Variants in CALD1 observed in about 807,000 individuals in gnomAD.
CALD1 encodes caldesmon.
CALD1 carries 33 observed loss-of-function variants against 99.9 expected under a neutral mutation model. The observed-to-expected ratio is 0.33, with a 90% confidence interval of 0.25 to 0.44. CALD1 has a LOEUF of 0.44. CALD1 is among the 20% of genes least tolerant of loss of function. CALD1 has a pLI of 1.00. For missense variants in CALD1, 861 were observed against 962.1 expected, an observed-to-expected ratio of 0.89 and a Z score of 1.39; for synonymous variants, 310 against 325.0, an observed-to-expected ratio of 0.95 and a Z score of 0.50.
chr7:134,862,631 T>C (rs1800612084), intron 2 of CALD1, among the ~76,000 whole-genome samples: 1 of 152,182 alleles, frequency 6.6e-6, no homozygotes, highest in African/African-American at 2.4e-5. Flanking sequence ...CTATTCTGTA[T>C]GATGCTACTA....
intron 1 of CALD1, among the ~76,000 whole-genome samples, chr7:134,786,062 T>C (rs574153827): frequency 6.6e-6 from 1 of 152,112 alleles, no homozygotes; most frequent in Non-Finnish European, 1.5e-5. Context: ...GATAGTGATA[T>C]CTGTTGTGGA....
intron 1 of CALD1, among the ~76,000 whole-genome samples, chr7:134,837,347 T>TC (rs202199683): frequency 1.2e-5 from 1 of 85,784 alleles, no homozygotes; most frequent in East Asian, 3.1e-4. Flanking sequence ...CGTTCTCCTT[T>TC]TTTTTTTTTT....
At chr7:134,866,311 C>T (rs1800798611) in intron 2 of CALD1, among the ~76,000 whole-genome samples, 1 of 152,010 alleles carries the variant, frequency 6.6e-6, no homozygotes, top group Non-Finnish European at 1.5e-5. Flanking sequence ...ACTAGCAAAG[C>T]CTAGGGAAGT....
chr7:134,771,889 T>C (rs919223479), intron 1 of CALD1, among the ~76,000 whole-genome samples: 2 of 152,146 alleles, frequency 1.3e-5, no homozygotes, highest in African/African-American at 4.8e-5. Flanking sequence ...AAGACTACCC[T>C]GTTTCTCCCT....
At chr7:134,781,854 G>A (rs1304712753) in intron 1 of CALD1, among the ~76,000 whole-genome samples, 1 of 152,212 alleles carries the variant, frequency 6.6e-6, no homozygotes, top group Non-Finnish European at 1.5e-5. Context: ...GGCTCAAACT[G>A]CAGTTTAAAG....
chr7:134,774,029 G>A (rs1326195557), intron 1 of CALD1, among the ~76,000 whole-genome samples: 1 of 152,078 alleles, frequency 6.6e-6, no homozygotes, highest in Non-Finnish European at 1.5e-5. Flanking sequence ...AATTAGCCGG[G>A]TGTGGTGGTG....
At chr7:134,913,817 C>T in intron 3 of CALD1, among the ~76,000 whole-genome samples, 1 of 152,170 alleles carries the variant, frequency 6.6e-6, no homozygotes, top group East Asian at 1.9e-4. Context: ...TCCTATAAAA[C>T]TTTATTTGCA....
At chr7:134,903,662 G>A (rs576102936) in intron 3 of CALD1, among the ~76,000 whole-genome samples, 55 of 152,100 alleles carry the variant, frequency 3.6e-4, no homozygotes, top group African/African-American at 1.2e-3. Context: ...CTTAGCGTCT[G>A]CCCTCTGTGC....
intron 3 of CALD1, among the ~76,000 whole-genome samples, chr7:134,880,238 C>G (rs1801534282): frequency 6.6e-6 from 1 of 152,158 alleles, no homozygotes; most frequent in South Asian, 2.1e-4. Context: ...AGCTAGATAA[C>G]TCAGAGCCGG....
At chr7:134,806,980 A>G (rs758688945) in intron 1 of CALD1, among the ~76,000 whole-genome samples, 22 of 152,088 alleles carry the variant, frequency 1.4e-4, no homozygotes, top group Admixed American at 4.6e-4. Flanking sequence ...ATTCATTCAG[A>G]TTGCATTATT....
chr7:134,756,485 T>C (rs1796731755), intron 1 of CALD1, among the ~76,000 whole-genome samples: 1 of 151,988 alleles, frequency 6.6e-6, no homozygotes, highest in African/African-American at 2.4e-5. Context: ...TAGTGAGAGT[T>C]TGGGTTTAAA....
intron 2 of CALD1, among the ~76,000 whole-genome samples, chr7:134,854,288 A>C (rs1221231943): frequency 6.6e-6 from 1 of 152,230 alleles, no homozygotes; most frequent in Non-Finnish European, 1.5e-5. Flanking sequence ...GAATTGCCAC[A>C]CTGTCTTCCA....
At chr7:134,942,375 C>T (rs1584631257) in intron 7 of CALD1, among the ~76,000 whole-genome samples, 1 of 151,942 alleles carries the variant, frequency 6.6e-6, no homozygotes, top group Admixed American at 6.5e-5. Context: ...ATACGGTTGC[C>T]CCAAAACAAT....
intron 6 of CALD1, 34 bp from the exon 7 acceptor site, chr7:134,941,058 G>A: frequency 1.9e-6 from 3 of 1,554,912 alleles, no homozygotes; most frequent in Non-Finnish European, 2.6e-6. Context: ...GATTTTTCTT[G>A]TTCTGTTTCT....
intron 3 of CALD1, among the ~76,000 whole-genome samples, chr7:134,913,120 G>A (rs916785881): frequency 2.0e-5 from 3 of 152,154 alleles, no homozygotes; most frequent in Non-Finnish European, 4.4e-5. Context: ...TACAAAATTA[G>A]CTGGGTGTGG....
At chr7:134,776,799 T>TA (rs1796922189), upstream of CALD1, among the ~76,000 whole-genome samples, 3 of 152,150 alleles carry the variant, frequency 2.0e-5, no homozygotes, top group African/African-American at 4.8e-5. Flanking sequence ...AATTTTGAAT[T>TA]AAAAAAATGG....
rs559463294 is a variant in CALD1 at position 134,899,963 on chromosome 7, T to C, written c.72-28791T>C. On this transcript the variant is annotated intron_variant, in intron 3 of 14. Coordinates refer to ENST00000361675, the MANE Select transcript of CALD1 (RefSeq NM_033138.4). The stretch of plus-strand genomic sequence containing the variant: ...CACCCAGTCTGTTTGCTGATCTGTT[T>C]TAAAGGAATGTCTACATTCACCTTT... 2.0e-5 allele frequency: 3 copies of C among 152,322 alleles called. No homozygotes were observed. In the East Asian group the frequency reaches 5.8e-4, roughly 29 times the overall value. The allele number at this position is 152,322 out of a possible 1,614,324, so 9.4% of individuals were successfully genotyped here.
At chr7:134,730,203 G>GCCTCCCTC in the CALD1 span, among the ~76,000 whole-genome samples, 1 of 148,490 alleles carries the variant, frequency 6.7e-6, no homozygotes, top group Admixed American at 6.7e-5. Context: ...CTCCCTCCCT[G>GCCTCCCTC]CCTCCCTCCC....
At chr7:134,902,498 C>G (rs1443666472) in intron 3 of CALD1, among the ~76,000 whole-genome samples, 19 of 152,036 alleles carry the variant, frequency 1.2e-4, no homozygotes. Context: ...TAAACCACCC[C>G]CTACTCCCAG....
Sources: allele counts gnomAD v4.1 joint callset (sites outside exome capture counted in the v4.1 genomes callset), GRCh38; gene constraint gnomAD v4.1.1; transcripts MANE v1.5; gene names NCBI Gene and HGNC (gene_info 2026-07-23, HGNC 2026-07-21).